The following CCDC146 variants were observed in gnomAD, a reference collection of about 807,000 sequenced individuals.
CCDC146 encodes coiled-coil domain-containing protein 146.
A neutral mutation model predicts 119.3 loss-of-function variants in CCDC146; 92 were observed. That is an observed-to-expected ratio of 0.77 (90% confidence interval 0.65 to 0.92). The LOEUF (loss-of-function observed/expected upper bound fraction) is 0.92, where lower values mean the gene tolerates loss of function less well. CCDC146 is among the 40% of genes least tolerant of loss of function. CCDC146 has a pLI of 0.00. For missense variants in CCDC146, 1,000 were observed against 1,103.0 expected (o/e 0.91, Z 1.32); for synonymous variants, 372 against 371.8 (o/e 1.00, Z -0.01).
chr7:77,272,396 G>A (rs1042523805), intron 9 of CCDC146, among the ~76,000 whole-genome samples: 1 of 152,074 alleles, frequency 6.6e-6, no homozygotes, highest in African/African-American at 2.4e-5. Flanking sequence ...TGGATGATGG[G>A]GCATCCAAAG....
intron 1 of CCDC146, among the ~76,000 whole-genome samples, chr7:77,167,113 G>A (rs1791348763): frequency 1.3e-5 from 2 of 152,284 alleles, no homozygotes; most frequent in East Asian, 3.9e-4. Flanking sequence ...TTCTAAGTAT[G>A]TTATTTGCTA....
At chr7:77,272,770 C>G (rs923264649) in intron 9 of CCDC146, among the ~76,000 whole-genome samples, 2 of 152,102 alleles carry the variant, frequency 1.3e-5, no homozygotes, top group Non-Finnish European at 2.9e-5. Context: ...AATAGGGCAA[C>G]AAAGACTTAA....
intron 1 of CCDC146, among the ~76,000 whole-genome samples, chr7:77,148,183 C>T (rs149538359): frequency 0.064 from 9,738 of 152,254 alleles, 986 homozygotes; most frequent in African/African-American, 0.22. Context: ...ATGAGCGAGG[C>T]TCCGTGGGTG....
intron 2 of CCDC146, among the ~76,000 whole-genome samples, chr7:77,202,882 A>C (rs1057377789): frequency 6.6e-6 from 1 of 152,218 alleles, no homozygotes; most frequent in East Asian, 1.9e-4. Context: ...TTCAAAGTTC[A>C]TATCTTTTCT....
intron 2 of CCDC146, among the ~76,000 whole-genome samples, chr7:77,228,128 G>A (rs1792551686): frequency 2.0e-5 from 3 of 152,178 alleles, no homozygotes; most frequent in Admixed American, 6.5e-5. Flanking sequence ...GCTCATTGTT[G>A]TTAATGTGGC....
intron 2 of CCDC146, among the ~76,000 whole-genome samples, chr7:77,236,316 A>G (rs1792736642): frequency 6.6e-6 from 1 of 152,202 alleles, no homozygotes; most frequent in Non-Finnish European, 1.5e-5. Context: ...AAATGGGAAT[A>G]AATAGTACCT....
chr7:77,184,573 A>C lies in CCDC146; in HGVS notation c.156+16749A>C, dbSNP rs1309768194. ...TTTTATCTAACAAATGAAAATAAGGACTTTGCTGTTTACACAAAAAGTCTT... is the reference window on the plus strand; with the variant it reads ...TTTTATCTAACAAATGAAAATAAGGCCTTTGCTGTTTACACAAAAAGTCTT... On this transcript the variant is annotated intron_variant, in intron 2 of 18. Coordinates refer to ENST00000285871, the MANE Select transcript of CCDC146 (RefSeq NM_020879.3). Among the ~76,000 whole-genome samples the C allele has an allele frequency of 5.3e-5, 8 of 152,226 alleles. No individual in the cohort carries two copies. In the East Asian group the frequency reaches 1.5e-3, roughly 29 times the overall value.
At chr7:77,278,435 ATT>A (rs140968354) in intron 11 of CCDC146, among the ~76,000 whole-genome samples, 7,020 of 102,270 alleles carry the variant, frequency 0.069, 143 homozygotes, top group Non-Finnish European at 0.095. Flanking sequence ...CCAAGAAATA[ATT>A]TTTTTTTTTT....
intron 1 of CCDC146, among the ~76,000 whole-genome samples, chr7:77,127,746 C>G (rs1392779879): frequency 6.6e-6 from 1 of 151,982 alleles, no homozygotes; most frequent in Non-Finnish European, 1.5e-5. Flanking sequence ...TTTCCTTGCT[C>G]TTTCTATTCT....
At chr7:77,176,588 A>G (rs1043251609) in intron 2 of CCDC146, among the ~76,000 whole-genome samples, 18 of 152,296 alleles carry the variant, frequency 1.2e-4, no homozygotes, top group Admixed American at 5.2e-4. Flanking sequence ...CTAGAGGTGT[A>G]GTAGACACGG....
chr7:77,206,265 C>A (rs1792077684), intron 2 of CCDC146, among the ~76,000 whole-genome samples: 1 of 152,064 alleles, frequency 6.6e-6, no homozygotes, highest in African/African-American at 2.4e-5. Flanking sequence ...TTTGATTTTA[C>A]CTGCTTATCA....
chr7:77,221,819 T>C (rs1432049289), intron 2 of CCDC146, among the ~76,000 whole-genome samples: 1 of 152,216 alleles, frequency 6.6e-6, no homozygotes, highest in African/African-American at 2.4e-5. Flanking sequence ...GTGTTCTAGA[T>C]GCTCAGGATC....
At chr7:77,146,125 A>C (rs886137201) in intron 1 of CCDC146, among the ~76,000 whole-genome samples, 1 of 151,202 alleles carries the variant, frequency 6.6e-6, no homozygotes, top group Non-Finnish European at 1.5e-5. Context: ...ATACATATTT[A>C]AGTTAGCTCT....
intron 2 of CCDC146, among the ~76,000 whole-genome samples, chr7:77,212,138 T>A (rs1328985402): frequency 1.3e-5 from 2 of 152,188 alleles, no homozygotes; most frequent in African/African-American, 4.8e-5. Context: ...TATCTGTAGC[T>A]GACATAAATG....
intron 1 of CCDC146, among the ~76,000 whole-genome samples, chr7:77,139,420 G>C (rs1231667036): frequency 6.6e-6 from 1 of 152,198 alleles, no homozygotes; most frequent in Non-Finnish European, 1.5e-5. Context: ...AAAATGTTCT[G>C]TATGATACTA....
intron 2 of CCDC146, among the ~76,000 whole-genome samples, chr7:77,235,967 A>G (rs924911309): frequency 2.0e-5 from 3 of 152,030 alleles, no homozygotes; most frequent in Non-Finnish European, 2.9e-5. Flanking sequence ...GCTACTTGGG[A>G]GGCTGAGGTA....
intron 2 of CCDC146, among the ~76,000 whole-genome samples, chr7:77,184,534 T>C (rs756697851): frequency 9.2e-5 from 14 of 152,232 alleles, no homozygotes; most frequent in African/African-American, 3.4e-4. Context: ...AAATGACACA[T>C]TCTGAAAGAA....
chr7:77,252,893 GT>G (rs1197036925), intron 4 of CCDC146, among the ~76,000 whole-genome samples: 3 of 152,164 alleles, frequency 2.0e-5, no homozygotes, highest in Admixed American at 6.5e-5. Flanking sequence ...GAAGACATTT[GT>G]TACTTACTTC....
intron 2 of CCDC146, chr7:77,195,890 C>T (rs1021921787): frequency 6.5e-4 from 109 of 168,676 alleles, no homozygotes; most frequent in African/African-American, 2.3e-3. Flanking sequence ...CTCCTGACCT[C>T]AAGTGATCTG....
Sources: allele counts gnomAD v4.1 joint callset (sites outside exome capture counted in the v4.1 genomes callset), GRCh38; gene constraint gnomAD v4.1.1; transcripts MANE v1.5; gene names NCBI Gene and HGNC (gene_info 2026-07-23, HGNC 2026-07-21).